Variants in RAB7A observed in about 807,000 individuals in gnomAD.
RAB7A encodes RAB7A, member RAS oncogene family, also known as ras-related protein Rab-7a.
In RAB7A, 2 loss-of-function variants were observed where a neutral mutation model predicts 24.5. The ratio of observed to expected loss-of-function variants is 0.08; its 90% confidence interval spans 0.03 to 0.26. RAB7A has a LOEUF of 0.26. Among genes scored for constraint, RAB7A ranks in the 10% least tolerant of loss-of-function variants. RAB7A has a pLI of 1.00. For missense variants in RAB7A, 118 were observed against 255.7 expected (o/e 0.46, Z 3.67); for synonymous variants, 100 against 95.9 (o/e 1.04, Z -0.25).
chr3:128,768,969 CTTTTTTTTTTTTT>C (rs35457218), intron 1 of RAB7A, among the ~76,000 whole-genome samples: 8 of 72,614 alleles, frequency 1.1e-4, no homozygotes, highest in East Asian at 9.9e-4. Flanking sequence ...TCTTTCTTTC[CTTTTTTTTTTTTT>C]TTTTTTTTTT....
At chr3:128,795,546 C>G (rs905078244) in intron 2 of RAB7A, 126 bp downstream of exon 2, 2 of 856,554 alleles carry the variant, frequency 2.3e-6, no homozygotes, top group Non-Finnish European at 4.0e-6. Context: ...ACATGTTTCC[C>G]TCCACGGCAG....
At chr3:128,784,705 C>T (rs142663487) in intron 1 of RAB7A, among the ~76,000 whole-genome samples, 31 of 152,306 alleles carry the variant, frequency 2.0e-4, no homozygotes, top group African/African-American at 7.0e-4. Context: ...TTTCCCCCTT[C>T]ATATCCAGGT....
chr3:128,729,907 T>G (rs2070417745), intron 1 of RAB7A, among the ~76,000 whole-genome samples: 3 of 152,174 alleles, frequency 2.0e-5, no homozygotes, highest in African/African-American at 7.2e-5. Flanking sequence ...GCATTAAATG[T>G]CTTCTTCTGA....
intron 4 of RAB7A, among the ~76,000 whole-genome samples, chr3:128,807,065 G>A (rs979384473): frequency 6.6e-6 from 1 of 152,214 alleles, no homozygotes; most frequent in Non-Finnish European, 1.5e-5. Flanking sequence ...AAGTGACTTA[G>A]TCCTTATCTC....
At chr3:128,739,798 A>C (rs2070531266) in intron 1 of RAB7A, among the ~76,000 whole-genome samples, 1 of 152,028 alleles carries the variant, frequency 6.6e-6, no homozygotes, top group Non-Finnish European at 1.5e-5. Flanking sequence ...GGCCGGGCGC[A>C]GTGGTTCACG....
chr3:128,807,794 C>T (rs1933837297), intron 5 of RAB7A, 123 bp downstream of exon 5: 2 of 1,388,922 alleles, frequency 1.4e-6, no homozygotes, highest in African/African-American at 1.4e-5. Flanking sequence ...CCAGAATACC[C>T]TATGTGTTCA....
chr3:128,763,188 T>TTATATATATG (rs1553718906), intron 1 of RAB7A, among the ~76,000 whole-genome samples: 5 of 82,118 alleles, frequency 6.1e-5, no homozygotes, highest in African/African-American at 2.0e-4. Flanking sequence ...TACATTTAGC[T>TTATATATATG]TATATATATA....
At chr3:128,813,264 G>T in intron 5 of RAB7A, 63 bp from the exon 6 acceptor site, 2 of 1,479,324 alleles carry the variant, frequency 1.4e-6, no homozygotes, top group Admixed American at 1.7e-5. Flanking sequence ...GAAAGTGCCC[G>T]CAATGAGGGC....
At chr3:128,759,859 C>T (rs2070763364) in intron 1 of RAB7A, among the ~76,000 whole-genome samples, 1 of 152,148 alleles carries the variant, frequency 6.6e-6, no homozygotes, top group Non-Finnish European at 1.5e-5. Flanking sequence ...TACAGGCATG[C>T]ACCACCACGC....
chr3:128,787,246 A>G (rs1348896983), intron 1 of RAB7A, among the ~76,000 whole-genome samples: 1 of 152,268 alleles, frequency 6.6e-6, no homozygotes, highest in Non-Finnish European at 1.5e-5. Flanking sequence ...AACAAACTAT[A>G]GAACATTAAT....
intron 1 of RAB7A, among the ~76,000 whole-genome samples, chr3:128,738,794 A>G (rs1457356569): frequency 1.3e-5 from 2 of 152,228 alleles, no homozygotes; most frequent in African/African-American, 2.4e-5. Context: ...CTTTTGATAG[A>G]TACATGTACA....
intron 1 of RAB7A, among the ~76,000 whole-genome samples, chr3:128,731,011 T>TGG (rs920214203): frequency 1.3e-5 from 2 of 152,224 alleles, no homozygotes; most frequent in African/African-American, 4.8e-5. Context: ...CCTTCTTGTG[T>TGG]GGCTGCTGCC....
At chr3:128,795,953 G>A (rs942744823) in intron 2 of RAB7A, among the ~76,000 whole-genome samples, 14 of 151,622 alleles carry the variant, frequency 9.2e-5, no homozygotes, top group African/African-American at 2.4e-4. Context: ...GGGTTTCACC[G>A]TGTTAGCCAG....
At chr3:128,795,768 T>G (rs1177822046) in intron 2 of RAB7A, among the ~76,000 whole-genome samples, 7 of 130,010 alleles carry the variant, frequency 5.4e-5, no homozygotes, top group Non-Finnish European at 9.8e-5. Flanking sequence ...TTTTTTTTTT[T>G]GGAGACAGAG....
At chr3:128,758,375 C>A (rs921016449) in intron 1 of RAB7A, among the ~76,000 whole-genome samples, 2 of 151,600 alleles carry the variant, frequency 1.3e-5, no homozygotes, top group South Asian at 4.2e-4. Context: ...CAGGTTCACG[C>A]CATTCTCCAG....
In RAB7A at chr3:128,813,523, ATC is replaced by A. The variant is rs1933973359; in HGVS notation, c.*106_*107del. The A allele has an allele frequency of 1.8e-6, 2 of 1,120,024 alleles. No homozygotes were observed. The highest frequency in any genetic ancestry group is 2.7e-6 in the Non-Finnish European group (2 of 743,280). The allele number at this position is 1,120,024 out of a possible 1,614,324, so 69.4% of individuals were successfully genotyped here. A position where few individuals can be genotyped will look rare whatever the true frequency, so the allele number is the denominator to read the frequency against. On this transcript the variant is annotated 3_prime_UTR_variant, in exon 6 of 6. Transcript: ENST00000265062. ...CCTCTTCCAAACAAAACATACATTG[ATC>A]TCTCACATCCAGCTGCCAAAAGAAA...
chr3:128,784,251 T>G (rs1933280712), intron 1 of RAB7A, among the ~76,000 whole-genome samples: 1 of 152,226 alleles, frequency 6.6e-6, no homozygotes, highest in Non-Finnish European at 1.5e-5. Flanking sequence ...GTTACTGTTT[T>G]TCAGACTTCC....
chr3:128,734,269 A>C (rs1397806860), intron 1 of RAB7A, among the ~76,000 whole-genome samples: 3 of 152,120 alleles, frequency 2.0e-5, no homozygotes, highest in African/African-American at 7.2e-5. Flanking sequence ...GTGTCTACTG[A>C]AAATACAAAA....
chr3:128,803,432 G>C (rs1933738756), intron 3 of RAB7A, among the ~76,000 whole-genome samples: 1 of 152,048 alleles, frequency 6.6e-6, no homozygotes. Flanking sequence ...TATAGGGAGT[G>C]GAACAGCCTC....
Sources: allele counts gnomAD v4.1 joint callset (sites outside exome capture counted in the v4.1 genomes callset), GRCh38; gene constraint gnomAD v4.1.1; transcripts MANE v1.5; gene names NCBI Gene and HGNC (gene_info 2026-07-23, HGNC 2026-07-21).